The following MYO16 variants were observed in gnomAD, a reference collection of about 807,000 sequenced individuals.
The protein encoded by MYO16 is unconventional myosin-XVI.
A neutral mutation model predicts 205.3 loss-of-function variants in MYO16; 94 were observed. The ratio of observed to expected loss-of-function variants is 0.46; its 90% confidence interval spans 0.39 to 0.54. The LOEUF is 0.54. MYO16 is among the 20% of genes least tolerant of loss of function. The pLI is 0.00. For synonymous variants in MYO16, 988 were observed against 954.0 expected, an observed-to-expected ratio of 1.04 and a Z score of -0.66; for missense variants, 2,315 against 2,387.5, an observed-to-expected ratio of 0.97 and a Z score of 0.63.
intron 4 of MYO16, among the ~76,000 whole-genome samples, chr13:108,727,857 G>C (rs919434056): frequency 7.9e-5 from 12 of 152,210 alleles, no homozygotes; most frequent in African/African-American, 2.9e-4. Flanking sequence ...CAACTAAAAT[G>C]GTTTGATAAT....
At chr13:108,886,951 T>C (rs926793480) in intron 13 of MYO16, among the ~76,000 whole-genome samples, 1 of 152,114 alleles carries the variant, frequency 6.6e-6, no homozygotes, top group African/African-American at 2.4e-5. Flanking sequence ...CTTTGCCACA[T>C]CCTTGATTGT....
the MYO16 span, among the ~76,000 whole-genome samples, chr13:108,527,597 G>A: frequency 6.6e-6 from 1 of 152,124 alleles, no homozygotes; most frequent in African/African-American, 2.4e-5. Flanking sequence ...AAGGATTCCT[G>A]TAGCTGCTCA....
At chr13:108,572,329 C>T in the MYO16 span, among the ~76,000 whole-genome samples, 1 of 152,112 alleles carries the variant, frequency 6.6e-6, no homozygotes, top group Non-Finnish European at 1.5e-5. Context: ...TCCCACTAAC[C>T]TTTGGGTATA....
chr13:108,947,335 G>A (rs958743043), intron 16 of MYO16, among the ~76,000 whole-genome samples: 6 of 152,004 alleles, frequency 3.9e-5, no homozygotes, highest in South Asian at 2.1e-4. Context: ...GTGTGCATGC[G>A]CGCTGCCCTC....
At chr13:108,532,314 T>G in the MYO16 span, among the ~76,000 whole-genome samples, 404 of 151,926 alleles carry the variant, frequency 2.7e-3, 3 homozygotes, top group African/African-American at 9.0e-3. Flanking sequence ...CCACTATGTG[T>G]TTAAGTCAAA....
intron 15 of MYO16, among the ~76,000 whole-genome samples, chr13:108,904,614 A>G (rs1255312500): frequency 6.6e-6 from 1 of 152,232 alleles, no homozygotes; most frequent in Non-Finnish European, 1.5e-5. Context: ...TATATGTAAC[A>G]TAACATGCAA....
intron 16 of MYO16, among the ~76,000 whole-genome samples, chr13:108,957,395 A>AC (rs1555317158): frequency 2.0e-5 from 3 of 151,122 alleles, no homozygotes; most frequent in South Asian, 2.1e-4. Flanking sequence ...AAAAAAAAAA[A>AC]AAAAAACAAA....
intron 10 of MYO16, 148 bp downstream of exon 10, chr13:108,844,641 T>C (rs1877424127): frequency 4.9e-6 from 4 of 820,210 alleles, no homozygotes; most frequent in Middle Eastern, 3.3e-4. Context: ...GCAGTTTTCA[T>C]AAACAATTAG....
At chr13:109,116,137 A>AT (rs1205898231) in intron 28 of MYO16, among the ~76,000 whole-genome samples, 3 of 152,154 alleles carry the variant, frequency 2.0e-5, no homozygotes, top group Non-Finnish European at 2.9e-5. Flanking sequence ...TGATTGAAGA[A>AT]TTTTTTACAA....
intron 4 of MYO16, among the ~76,000 whole-genome samples, chr13:108,761,808 T>C (rs532837974): frequency 1.3e-5 from 2 of 152,280 alleles, no homozygotes; most frequent in South Asian, 4.1e-4. Flanking sequence ...TTGATACTGA[T>C]GGGGATTATT....
chr13:109,044,666 A>G (rs1410106181), intron 23 of MYO16, among the ~76,000 whole-genome samples: 1 of 152,196 alleles, frequency 6.6e-6, no homozygotes, highest in African/African-American at 2.4e-5. Flanking sequence ...AGAGCACAAC[A>G]CAGTAGGACT....
the MYO16 span, among the ~76,000 whole-genome samples, chr13:108,543,644 G>GAAAAAA: frequency 2.6e-5 from 2 of 77,500 alleles, no homozygotes; most frequent in Non-Finnish European, 5.3e-5. Context: ...TCCCTCTCAA[G>GAAAAAA]AAAAAAAAAA....
chr13:108,805,406 T>C (rs2138978566), intron 6 of MYO16, among the ~76,000 whole-genome samples: 1 of 152,290 alleles, frequency 6.6e-6, no homozygotes, highest in East Asian at 1.9e-4. Flanking sequence ...AAATAAATGT[T>C]TTTGTTAGAT....
At chr13:108,539,678 C>T in the MYO16 span, among the ~76,000 whole-genome samples, 1 of 152,006 alleles carries the variant, frequency 6.6e-6, no homozygotes, top group African/African-American at 2.4e-5. Context: ...GATTCTGTTA[C>T]TGTATTTAAT....
chr13:108,796,201 C>T (rs181620295), intron 6 of MYO16, among the ~76,000 whole-genome samples: 6 of 152,262 alleles, frequency 3.9e-5, no homozygotes, highest in Middle Eastern at 3.4e-3. Flanking sequence ...GGGGCATGAG[C>T]CTGCTCCGTT....
chr13:108,883,624 T>C (rs990503552), intron 13 of MYO16, among the ~76,000 whole-genome samples: 1 of 151,714 alleles, frequency 6.6e-6, no homozygotes, highest in Non-Finnish European at 1.5e-5. Flanking sequence ...TTCACTGTAC[T>C]CTACTTCCTA....
At chr13:109,179,476 G>A in intron 33 of MYO16, 66 bp from the exon 34 acceptor site, 1 of 967,140 alleles carries the variant, frequency 1.0e-6, no homozygotes, top group Non-Finnish European at 1.7e-6. Context: ...TGTAATGAGT[G>A]CATGACTTAC....
intron 23 of MYO16, among the ~76,000 whole-genome samples, chr13:109,038,698 C>T (rs1334074622): frequency 6.6e-6 from 1 of 151,972 alleles, no homozygotes; most frequent in Non-Finnish European, 1.5e-5. Context: ...AAAAAGAAAA[C>T]ATTCGGGCTG....
chr13:108,507,173 T>G, the MYO16 span, among the ~76,000 whole-genome samples: 1 of 152,146 alleles, frequency 6.6e-6, no homozygotes, highest in East Asian at 1.9e-4. Context: ...TTTATGGGAC[T>G]GTCATAAACC....
Sources: gnomAD v4.1 joint callset for allele counts (sites outside exome capture counted in the v4.1 genomes callset) on GRCh38, gnomAD v4.1.1 for gene constraint, MANE v1.5 for transcripts, NCBI Gene and HGNC (gene_info 2026-07-23, HGNC 2026-07-21) for gene names.